RPS6KA3: variants seen among roughly 807,000 people sequenced by gnomAD.
The protein encoded by RPS6KA3 is ribosomal protein S6 kinase A3, also known as ribosomal protein S6 kinase alpha-3.
Under a neutral mutation model 67.2 loss-of-function variants are expected in RPS6KA3, and 4 were observed. The ratio of observed to expected loss-of-function variants is 0.06; its 90% CI spans 0.03 to 0.14. RPS6KA3 has a LOEUF of 0.14. Ranked by LOEUF, RPS6KA3 falls within the 10% of genes least tolerant of loss-of-function variation. RPS6KA3 has a pLI of 1.00. For missense variants in RPS6KA3, 204 were observed against 559.0 expected (o/e 0.36, Z 6.40); for synonymous variants, 182 against 183.7 (o/e 0.99, Z 0.07).
rs941905582 is a variant in RPS6KA3 at position 20,151,968 on chromosome X, A to G, written c.*3430T>C. 1.8e-5 allele frequency: 2 copies of G among 111,686 alleles called. No individual in the cohort carries two copies. Among genetic ancestry groups the G allele is most frequent in the Non-Finnish European group, 3.8e-5 (2 of 53,188 alleles). 9.2% of individuals were successfully genotyped at this position (111,686 alleles called of 1,213,427 possible). A position where few individuals can be genotyped will look rare whatever the true frequency, so the allele number is the denominator to read the frequency against. On this transcript the variant is annotated 3_prime_UTR_variant, in exon 22 of 22. Transcript: ENST00000379565. ...AGGGCACAGCTAACTGGACAGCCCC[A>G]CCTCCCATGATGTCCCCTGGCCCCA...
chrX:20,151,465 C>G lies in RPS6KA3; in HGVS notation c.*3933G>C, dbSNP rs1326082888. 8.9e-6 allele frequency: 1 copy of G among 112,182 alleles called. No individual in the cohort carries two copies. The highest frequency in any genetic ancestry group is 2.8e-4 in the East Asian group (1 of 3,568). The allele number at this position is 112,182 out of a possible 1,213,427, so 9.2% of individuals were successfully genotyped here. A position where few individuals can be genotyped will look rare whatever the true frequency, so the allele number is the denominator to read the frequency against. ...TTAAGTAAGGCTCAAAGTATATATC[C>G]AGTTTAAAGTTAGTTACATGGCATT... On this transcript the variant is annotated 3_prime_UTR_variant, in exon 22 of 22. Transcript: ENST00000379565.
intron 10 of RPS6KA3, among the ~76,000 whole-genome samples, chrX:20,185,166 C>T (rs890394657): frequency 9.9e-5 from 11 of 111,236 alleles, no homozygotes; most frequent in Admixed American, 3.8e-4. Flanking sequence ...AGGCTGGTCT[C>T]GAACTCTGGA....
chrX:20,163,954 C>A (rs1360139240), intron 18 of RPS6KA3, among the ~76,000 whole-genome samples: 2 of 111,392 alleles, frequency 1.8e-5, no homozygotes, highest in African/African-American at 6.5e-5. Context: ...CAGGCGTGAA[C>A]CATGGCATCT....
At chrX:20,171,158 A>C (rs1322100837) in intron 15 of RPS6KA3, among the ~76,000 whole-genome samples, 1 of 112,331 alleles carries the variant, frequency 8.9e-6, no homozygotes, top group African/African-American at 3.2e-5. Flanking sequence ...AACATACAAA[A>C]TAATCGACTA....
chrX:20,171,682 A>G, intron 15 of RPS6KA3, among the ~76,000 whole-genome samples: 1 of 111,586 alleles, frequency 9.0e-6, no homozygotes, highest in African/African-American at 3.3e-5. Flanking sequence ...CATAGTCCTC[A>G]AGGTTTCTGT....
At chrX:20,161,116 C>T (rs1390448593) in intron 20 of RPS6KA3, among the ~76,000 whole-genome samples, 3 of 111,453 alleles carry the variant, frequency 2.7e-5, no homozygotes, top group Non-Finnish European at 5.7e-5. Flanking sequence ...ATCTGTTTAT[C>T]GTGAAAAAAC....
rs182515508 is a variant in RPS6KA3, at chrX:20,188,479, C to T, written c.631+18G>A. The T allele has an allele frequency of 1.1e-3, 1,014 of 927,000 alleles. 4 individuals carry two copies. Among genetic ancestry groups the T allele is most frequent in the East Asian group, 5.3e-3 (168 of 31,855 alleles). The allele number at this position is 927,000 out of a possible 1,213,427, so 76.4% of individuals were successfully genotyped here. On this transcript the variant is annotated intron_variant, in intron 8 of 21. Transcript: ENST00000379565. ...TGTAGGAGAAAATATTTTAATAAAA[C>T]GAGGATTTTTTTTTTACCTGTTAAC...
intron 4 of RPS6KA3, among the ~76,000 whole-genome samples, chrX:20,195,786 G>A (rs1230199520): frequency 8.9e-6 from 1 of 111,865 alleles, no homozygotes; most frequent in East Asian, 2.8e-4. Context: ...ACAATCACGA[G>A]CAAGATACTT....
In RPS6KA3 at chrX:20,153,822, T is replaced by C. The variant is rs1245954171; in HGVS notation, c.*1576A>G. On this transcript the variant is annotated 3_prime_UTR_variant, in exon 22 of 22. Coordinates refer to ENST00000379565, the MANE Select transcript of RPS6KA3 (RefSeq NM_004586.3). ...TTTTAGTAGAGACGGGGTTTCACCA[T>C]GTTGGCCAGGCTGGTCTCAAACTCC... The C allele has an allele frequency of 2.7e-5, 3 of 111,452 alleles. No homozygotes were observed. Among genetic ancestry groups the C allele is most frequent in the South Asian group, 3.8e-4 (1 of 2,635 alleles). The allele number at this position is 111,452 out of a possible 1,213,427, so 9.2% of individuals were successfully genotyped here.
At chrX:20,176,129 C>G in intron 13 of RPS6KA3, 121 bp downstream of exon 13, 1 of 520,641 alleles carries the variant, frequency 1.9e-6, no homozygotes, top group Non-Finnish European at 3.4e-6. Flanking sequence ...CCTCAGCCTC[C>G]CAAAGTGCTG....
Position 20,221,756 on chromosome X carries a change from T to C in RPS6KA3, c.127-12352A>G, listed in dbSNP as rs181119507. Reference sequence around the variant, plus strand: ...AAAATTCTATTATACAAATCTCCTATTGTTGGGTCTTTGCTCTACACGATG... The same window carrying C: ...AAAATTCTATTATACAAATCTCCTACTGTTGGGTCTTTGCTCTACACGATG... On this transcript the variant is annotated intron_variant, in intron 2 of 21. Transcript: ENST00000379565. 1.1e-4 allele frequency among the ~76,000 whole-genome samples: 12 copies of C among 112,481 alleles called. No homozygotes were observed. In the East Asian group the frequency reaches 1.7e-3, roughly 16 times the overall value.
chrX:20,256,836 A>G (rs1217484046), intron 1 of RPS6KA3, among the ~76,000 whole-genome samples: 2 of 111,760 alleles, frequency 1.8e-5, no homozygotes, highest in Non-Finnish European at 3.8e-5. Context: ...ACATACATAT[A>G]TTTATATATG....
chrX:20,170,363 C>T (rs753109386), intron 15 of RPS6KA3, among the ~76,000 whole-genome samples: 73 of 111,185 alleles, frequency 6.6e-4, no homozygotes, highest in South Asian at 1.1e-3. Flanking sequence ...TTACAACTCT[C>T]AAGCATGGGT....
At chrX:20,232,869 T>C (rs781027266) in intron 2 of RPS6KA3, among the ~76,000 whole-genome samples, 12 of 112,174 alleles carry the variant, frequency 1.1e-4, no homozygotes, top group Non-Finnish European at 1.7e-4. Context: ...GCATGGTGGC[T>C]CACGCCTGTA....
intron 7 of RPS6KA3, among the ~76,000 whole-genome samples, chrX:20,192,592 C>CTTT (rs1159974637): frequency 1.4e-3 from 62 of 45,382 alleles, no homozygotes; most frequent in Non-Finnish European, 1.5e-3. Context: ...TGTAAATTTT[C>CTTT]TTTTTTTTTT....
chrX:20,164,200 G>A (rs758250573), intron 18 of RPS6KA3, among the ~76,000 whole-genome samples: 1 of 110,422 alleles, frequency 9.1e-6, no homozygotes, highest in South Asian at 3.9e-4. Flanking sequence ...TTATAGGTAT[G>A]AAGATGAGGA....
In RPS6KA3 at chrX:20,187,891, T is replaced by C; in HGVS notation, c.711A>G (p.Pro237=). The stretch of plus-strand genomic sequence containing the variant: ...TATGACCTCGACGATTAACTACTTC[T>C]GGAGCCATATACTCCACAGTTCCAC... ...SFCGTVEYMA[P]EVVNRRGHTQ... Residue 237 remains proline, a synonymous_variant, in exon 9 of 22, where the codon CCA becomes CCG. Coordinates refer to ENST00000379565, the MANE Select transcript of RPS6KA3 (RefSeq NM_004586.3). 1 of 1,202,875 alleles carries C rather than the reference T, an allele frequency of 8.3e-7. No homozygotes were observed. The highest frequency in any genetic ancestry group is 1.1e-6 in the Non-Finnish European group (1 of 887,494).
At chrX:20,222,750 T>C (rs907275721) in intron 2 of RPS6KA3, among the ~76,000 whole-genome samples, 1 of 111,904 alleles carries the variant, frequency 8.9e-6, no homozygotes, top group African/African-American at 3.2e-5. Flanking sequence ...GCGGTATCAT[T>C]AGTTTAATAA....
rs765808731 is a variant in RPS6KA3 at position 20,209,418 on chromosome X, C to T, written c.127-14G>A. On this transcript the variant is annotated splice_polypyrimidine_tract_variant and intron_variant, in intron 2 of 21. Transcript: ENST00000379565. Reference sequence around the variant, plus strand: ...ACTGACTTCTTCCTGTTGAGATAAACGTAAGAGGAGCAAACAGGGTTAGCC... The same window carrying T: ...ACTGACTTCTTCCTGTTGAGATAAATGTAAGAGGAGCAAACAGGGTTAGCC... 21 of 959,106 alleles carry T rather than the reference C, an allele frequency of 2.2e-5. No individual in the cohort carries two copies. In the South Asian group the frequency reaches 2.5e-4, roughly 12 times the overall value. The allele number at this position is 959,106 out of a possible 1,213,427, so 79.0% of individuals were successfully genotyped here. A position where few individuals can be genotyped will look rare whatever the true frequency, so the allele number is the denominator to read the frequency against.
Sources: gnomAD v4.1 joint callset for allele counts (sites outside exome capture counted in the v4.1 genomes callset) on GRCh38, gnomAD v4.1.1 for gene constraint, MANE v1.5 for transcripts, NCBI Gene and HGNC (gene_info 2026-07-23, HGNC 2026-07-21) for gene names.